The following ARL15 variants were observed in gnomAD, a reference collection of about 807,000 sequenced individuals.
ARL15 encodes ARF like GTPase 15.
In ARL15, 19 loss-of-function variants were observed where a neutral mutation model predicts 25.2. The ratio of observed to expected loss-of-function variants is 0.75; its 90% CI spans 0.53 to 1.10. The LOEUF (loss-of-function observed/expected upper bound fraction) is 1.10, where lower values mean the gene tolerates loss of function less well. Among genes scored for constraint, ARL15 ranks in the 50% least tolerant of loss-of-function variants. The probability of loss-of-function intolerance (pLI) is 0.00; values close to 1 mark genes in which losing one functional copy is unlikely to be tolerated. For synonymous variants in ARL15, 94 were observed against 86.8 expected, an observed-to-expected ratio of 1.08 and a Z score of -0.46; for missense variants, 220 against 246.0, an observed-to-expected ratio of 0.89 and a Z score of 0.71.
chr5:54,045,273 T>A (rs575062463), intron 4 of ARL15, among the ~76,000 whole-genome samples: 338 of 152,280 alleles, frequency 2.2e-3, no homozygotes, highest in African/African-American at 7.7e-3. Context: ...TATAGTTGCA[T>A]AACAAAGCTG....
rs1224990370 is a variant in ARL15, at chr5:54,058,009, T to TTA, written c.462+55192_462+55193insTA. On this transcript the variant is annotated intron_variant, in intron 4 of 4. Transcript: ENST00000504924. ...GTGCCTTTATTTATTTATTTATTTATTTATTTATTTTTTTTGACAAAGTCT... is the reference window on the plus strand; with the variant it reads ...GTGCCTTTATTTATTTATTTATTTATTATTATTTATTTTTTTTGACAAAGTCT... Among the ~76,000 whole-genome samples the TTA allele has an allele frequency of 9.6e-3, 1,086 of 113,476 alleles. 18 individuals are homozygous for TTA. Among genetic ancestry groups the TTA allele is most frequent in the African/African-American group, 0.041 (1,046 of 25,752 alleles). 74.4% of individuals were successfully genotyped at this position (113,476 alleles called of 152,430 possible). A position where few individuals can be genotyped will look rare whatever the true frequency, so the allele number is the denominator to read the frequency against.
intron 1 of ARL15, among the ~76,000 whole-genome samples, chr5:54,201,107 C>T (rs1454942893): frequency 6.6e-6 from 1 of 151,988 alleles, no homozygotes; most frequent in African/African-American, 2.4e-5. Context: ...TGGTTTTACC[C>T]TCAGTTCAAA....
At chr5:54,036,244 T>G (rs1389413089) in intron 4 of ARL15, among the ~76,000 whole-genome samples, 1 of 152,146 alleles carries the variant, frequency 6.6e-6, no homozygotes, top group African/African-American at 2.4e-5. Context: ...GAAATATCCC[T>G]CATGTAAATT....
intron 4 of ARL15, among the ~76,000 whole-genome samples, chr5:54,080,335 C>T (rs1751756226): frequency 6.6e-6 from 1 of 152,198 alleles, no homozygotes; most frequent in Non-Finnish European, 1.5e-5. Flanking sequence ...TCATTCAGTG[C>T]TGCTGGTTAC....
At chr5:53,899,405 T>C (rs1174158231) in intron 4 of ARL15, among the ~76,000 whole-genome samples, 2 of 148,248 alleles carry the variant, frequency 1.3e-5, no homozygotes, top group Non-Finnish European at 3.0e-5. Flanking sequence ...GTCAATTTTA[T>C]TGGTCTTTCA....
chr5:54,241,428 A>G (rs1272116720), intron 1 of ARL15, among the ~76,000 whole-genome samples: 1 of 152,202 alleles, frequency 6.6e-6, no homozygotes, highest in Non-Finnish European at 1.5e-5. Flanking sequence ...AAAATGTAAT[A>G]TACTCAGCCT....
chr5:53,949,822 A>G (rs1166734622), intron 4 of ARL15, among the ~76,000 whole-genome samples: 1 of 152,244 alleles, frequency 6.6e-6, no homozygotes, highest in Non-Finnish European at 1.5e-5. Context: ...TAGAAATACT[A>G]TAAGTAACTC....
chr5:54,273,582 C>T (rs1354548777), intron 1 of ARL15, among the ~76,000 whole-genome samples: 2 of 152,106 alleles, frequency 1.3e-5, no homozygotes, highest in Non-Finnish European at 1.5e-5. Flanking sequence ...TGTGTGGTGG[C>T]TAAGAATGTA....
At chr5:54,001,416 C>T (rs949708520) in intron 4 of ARL15, among the ~76,000 whole-genome samples, 18 of 152,138 alleles carry the variant, frequency 1.2e-4, no homozygotes, top group African/African-American at 4.3e-4. Flanking sequence ...TCAACTACTC[C>T]ATGATGACCA....
At chr5:54,119,429 C>T (rs1753007619) in intron 3 of ARL15, among the ~76,000 whole-genome samples, 1 of 152,050 alleles carries the variant, frequency 6.6e-6, no homozygotes, top group Admixed American at 6.6e-5. Flanking sequence ...CCAAAAAAAA[C>T]TCCTATTGCT....
chr5:54,146,954 C>G lies in ARL15; in HGVS notation c.253+7626G>C, dbSNP rs753137180. On this transcript the variant is annotated intron_variant, in intron 3 of 4. Coordinates refer to ENST00000504924, the MANE Select transcript of ARL15 (RefSeq NM_019087.3). ...TCAGCCAGTAACAGACTTCTGGGCC[C>G]CTAGATTCATTTATTTGGCTCTGCT... is the stretch of plus-strand genomic sequence containing the variant. Among the ~76,000 whole-genome samples the G allele has an allele frequency of 1.8e-4, 28 of 152,096 alleles. 1 individual carries two copies. The highest frequency in any genetic ancestry group is 6.5e-5 in the Admixed American group (1 of 15,274).
intron 3 of ARL15, among the ~76,000 whole-genome samples, chr5:54,130,592 A>T (rs527469395): frequency 3.9e-4 from 60 of 152,358 alleles, no homozygotes; most frequent in African/African-American, 1.3e-3. Flanking sequence ...TTAGGAGATC[A>T]TAGGCTATCG....
At chr5:53,961,048 T>G (rs894069833) in intron 4 of ARL15, among the ~76,000 whole-genome samples, 3 of 152,146 alleles carry the variant, frequency 2.0e-5, no homozygotes, top group Admixed American at 6.6e-5. Flanking sequence ...TCTATCTACA[T>G]CCAGTTGTGG....
At chr5:54,207,017 C>T (rs1205081982) in intron 1 of ARL15, among the ~76,000 whole-genome samples, 3 of 152,364 alleles carry the variant, frequency 2.0e-5, no homozygotes, top group South Asian at 4.1e-4. Flanking sequence ...GGGAACCCCA[C>T]GCCCATGCGT....
chr5:54,096,642 C>G (rs1335178844), intron 4 of ARL15, among the ~76,000 whole-genome samples: 1 of 152,204 alleles, frequency 6.6e-6, no homozygotes, highest in Non-Finnish European at 1.5e-5. Context: ...AACTCCTGAC[C>G]TCAAGTGATT....
At chr5:53,910,823 T>A (rs963797188) in intron 4 of ARL15, among the ~76,000 whole-genome samples, 2 of 151,538 alleles carry the variant, frequency 1.3e-5, no homozygotes, top group African/African-American at 4.8e-5. Flanking sequence ...GCAACAAATA[T>A]GAAACTCAAT....
chr5:54,215,668 C>T (rs1256117692), intron 1 of ARL15, among the ~76,000 whole-genome samples: 1 of 151,872 alleles, frequency 6.6e-6, no homozygotes, highest in Non-Finnish European at 1.5e-5. Flanking sequence ...CTTGGGCTTC[C>T]AGAGGAATGT....
chr5:54,260,212 C>T (rs1251736847), intron 1 of ARL15, among the ~76,000 whole-genome samples: 1 of 152,170 alleles, frequency 6.6e-6, no homozygotes, highest in African/African-American at 2.4e-5. Context: ...TTCTTTCTTT[C>T]CTTGTCCTAC....
chr5:54,031,065 G>A (rs1749967275), intron 4 of ARL15, among the ~76,000 whole-genome samples: 1 of 152,132 alleles, frequency 6.6e-6, no homozygotes, highest in Admixed American at 6.5e-5. Context: ...CATGTGTACA[G>A]GTTGGGACAA....
Sources: gnomAD v4.1 joint callset for allele counts (sites outside exome capture counted in the v4.1 genomes callset) on GRCh38, gnomAD v4.1.1 for gene constraint, MANE v1.5 for transcripts, NCBI Gene and HGNC (gene_info 2026-07-23, HGNC 2026-07-21) for gene names.